The following ELMO1 variants were observed in gnomAD, a reference collection of about 807,000 sequenced individuals.
ELMO1 encodes the protein engulfment and cell motility 1.
In ELMO1, 26 loss-of-function variants were observed where a neutral mutation model predicts 98.9. The ratio of observed to expected loss-of-function variants is 0.26; its 90% CI spans 0.19 to 0.36. The LOEUF is 0.36. ELMO1 is among the 10% of genes least tolerant of loss of function. ELMO1 has a pLI of 1.00. For synonymous variants in ELMO1, 346 were observed against 346.0 expected, an observed-to-expected ratio of 1.00 and a Z score of 0.00; for missense variants, 627 against 935.2, an observed-to-expected ratio of 0.67 and a Z score of 4.30.
chr7:36,986,388 C>G (rs1485643807), intron 16 of ELMO1: 2 of 377,006 alleles, frequency 5.3e-6, no homozygotes, highest in African/African-American at 4.4e-5. Context: ...AAACCCATAG[C>G]TCCCCGTCTT....
chr7:37,323,170 A>C (rs1427349831), intron 2 of ELMO1, among the ~76,000 whole-genome samples: 2 of 152,306 alleles, frequency 1.3e-5, no homozygotes, highest in African/African-American at 4.8e-5. Flanking sequence ...ATTTGCAAAA[A>C]TATCGTTATT....
At chr7:36,936,488 C>G (rs117771559) in intron 16 of ELMO1, among the ~76,000 whole-genome samples, 1 of 152,100 alleles carries the variant, frequency 6.6e-6, no homozygotes. Context: ...ATGGGGGTCT[C>G]GCTCTGTTGC....
At chr7:36,916,676 G>T (rs1212167881) in intron 16 of ELMO1, among the ~76,000 whole-genome samples, 1 of 152,234 alleles carries the variant, frequency 6.6e-6, no homozygotes, top group African/African-American at 2.4e-5. Context: ...AAATTGAGGA[G>T]GGGGCCTGTG....
intron 13 of ELMO1, among the ~76,000 whole-genome samples, chr7:37,149,670 T>TA (rs1182234529): frequency 6.6e-6 from 1 of 152,116 alleles, no homozygotes; most frequent in East Asian, 1.9e-4. Flanking sequence ...TCACAAAACT[T>TA]AAAAATATTT....
At chr7:37,434,868 C>T (rs761525365) in intron 1 of ELMO1, among the ~76,000 whole-genome samples, 4 of 152,190 alleles carry the variant, frequency 2.6e-5, no homozygotes, top group Admixed American at 1.3e-4. Context: ...CTGTTGTAGG[C>T]GCCCTGAGCA....
intron 16 of ELMO1, chr7:36,985,105 C>T: frequency 1.0e-6 from 1 of 985,288 alleles, no homozygotes; most frequent in Non-Finnish European, 1.2e-6. Flanking sequence ...TGTTTCTACC[C>T]AACGAAATTG....
At position 36,887,615 on chromosome 7, in the gene ELMO1, C is replaced by A; in HGVS notation, c.1659G>T (p.Leu553=). The change falls in exon 18 of 22, where the codon CTG becomes CTT. Residue 553 remains leucine (L), a synonymous_variant. Coordinates refer to ENST00000310758, the MANE Select transcript of ELMO1 (RefSeq NM_014800.11). The stretch of plus-strand genomic sequence containing the variant: ...AGCAGGTCCCTTCCACAAGGCGGTT[C>A]AGGCGTTGCTGTTTGATCAGCTCTA... ...EILELIKQQR[L]NRLVEGTCFR... 6.2e-7 allele frequency: 1 copy of A among 1,614,098 alleles called. No homozygotes were observed. The highest frequency in any genetic ancestry group is 8.5e-7 in the Non-Finnish European group (1 of 1,179,968).
intron 7 of ELMO1, among the ~76,000 whole-genome samples, chr7:37,234,040 A>G (rs181364051): frequency 2.6e-5 from 4 of 152,330 alleles, no homozygotes; most frequent in Admixed American, 6.5e-5. Flanking sequence ...ACACTTTAGC[A>G]GAGACTTAGA....
chr7:37,332,164 G>A lies in ELMO1; in HGVS notation c.78+10449C>T, dbSNP rs572065374. On this transcript the variant is annotated intron_variant, in intron 2 of 21. Transcript: ENST00000310758. ...AGTCACTGATTGTCTTTTAACTACA[G>A]ATGGCTTTGATGGAAAGACACACAA... 2.0e-5 allele frequency among the ~76,000 whole-genome samples: 3 copies of A among 152,278 alleles called. No homozygotes were observed. In the South Asian group the frequency reaches 6.2e-4, roughly 32 times the overall value.
chr7:37,298,053 T>C (rs1343224257), intron 4 of ELMO1, among the ~76,000 whole-genome samples: 4 of 152,200 alleles, frequency 2.6e-5, no homozygotes, highest in African/African-American at 9.7e-5. Flanking sequence ...TCTGTGTAAA[T>C]GTTTTTTGAA....
chr7:37,225,161 G>T, intron 8 of ELMO1, 131 bp from the exon 9 acceptor site: 1 of 984,404 alleles, frequency 1.0e-6, no homozygotes, highest in African/African-American at 1.6e-5. Context: ...TGGAATTACA[G>T]CAAAATAGCA....
rs542183957 is a variant in ELMO1, at chr7:37,138,993, A to T, written c.1087-5759T>A. Among the ~76,000 whole-genome samples, 25 of 152,350 alleles carry T rather than the reference A, an allele frequency of 1.6e-4. 1 individual carries two copies. Among genetic ancestry groups the T allele is most frequent in the African/African-American group, 6.0e-4 (25 of 41,586 alleles). ...GAAAATCATATGATCATCTCAACAGATGCAGAAAATGCATTTGACAGAATC... is the reference window on the plus strand; with the variant it reads ...GAAAATCATATGATCATCTCAACAGTTGCAGAAAATGCATTTGACAGAATC... On this transcript the variant is annotated intron_variant, in intron 13 of 21. Coordinates refer to ENST00000310758, the MANE Select transcript of ELMO1 (RefSeq NM_014800.11).
chr7:37,162,991 T>C (rs929519583), intron 13 of ELMO1, among the ~76,000 whole-genome samples: 1 of 152,200 alleles, frequency 6.6e-6, no homozygotes, highest in East Asian at 1.9e-4. Context: ...TTAAAAATGT[T>C]CCAATATGAC....
At chr7:37,322,440 A>T (rs1425878703) in intron 2 of ELMO1, among the ~76,000 whole-genome samples, 1 of 151,942 alleles carries the variant, frequency 6.6e-6, no homozygotes, top group Non-Finnish European at 1.5e-5. Flanking sequence ...ACATGGTGAA[A>T]CCCCATCTCT....
At chr7:37,070,371 A>G (rs1355242206) in intron 15 of ELMO1, among the ~76,000 whole-genome samples, 1 of 152,206 alleles carries the variant, frequency 6.6e-6, no homozygotes, top group Non-Finnish European at 1.5e-5. Flanking sequence ...TCATATGAAG[A>G]TGCAATCCTC....
intron 13 of ELMO1, among the ~76,000 whole-genome samples, chr7:37,182,430 CAT>C (rs1455344650): frequency 6.8e-6 from 1 of 146,658 alleles, no homozygotes; most frequent in Admixed American, 6.8e-5. Flanking sequence ...AAAATGACAA[CAT>C]AGGAAGATCA....
intron 4 of ELMO1, 46 bp downstream of exon 4, chr7:37,314,804 C>T (rs756048538): frequency 1.3e-6 from 2 of 1,558,818 alleles, no homozygotes; most frequent in Non-Finnish European, 8.8e-7. Context: ...TCATGATTTA[C>T]TTTCCTTCAA....
At chr7:37,352,647 G>A (rs1397929359) in intron 1 of ELMO1, among the ~76,000 whole-genome samples, 1 of 152,172 alleles carries the variant, frequency 6.6e-6, no homozygotes, top group Non-Finnish European at 1.5e-5. Context: ...GCAATGGAAA[G>A]TGGCAGAGAA....
intron 14 of ELMO1, among the ~76,000 whole-genome samples, chr7:37,132,281 C>T (rs1331486673): frequency 6.6e-6 from 1 of 152,206 alleles, no homozygotes; most frequent in Admixed American, 6.5e-5. Context: ...CAGCCTTACT[C>T]TTCCTGATTT....
Sources: allele counts gnomAD v4.1 joint callset (sites outside exome capture counted in the v4.1 genomes callset), GRCh38; gene constraint gnomAD v4.1.1; transcripts MANE v1.5; gene names NCBI Gene and HGNC (gene_info 2026-07-23, HGNC 2026-07-21).